RHBDD1: variants seen among roughly 807,000 people sequenced by gnomAD.
RHBDD1 encodes the protein rhomboid domain containing 1, also known as rhomboid-related protein 4.
A neutral mutation model predicts 36.3 loss-of-function variants in RHBDD1; 38 were observed. The ratio of observed to expected loss-of-function variants is 1.05; its 90% confidence interval spans 0.81 to 1.37. The LOEUF is 1.37. Among genes scored for constraint, RHBDD1 ranks in the 40% most tolerant of loss-of-function variants. The pLI, the probability that RHBDD1 is intolerant of heterozygous loss-of-function variation, is 0.00. For synonymous variants in RHBDD1, 151 were observed against 136.5 expected, an observed-to-expected ratio of 1.11 and a Z score of -0.74; for missense variants, 393 against 377.6, an observed-to-expected ratio of 1.04 and a Z score of -0.34.
chr2:226,946,266 G>A (rs1324468737), intron 8 of RHBDD1, among the ~76,000 whole-genome samples: 3 of 152,060 alleles, frequency 2.0e-5, no homozygotes, highest in South Asian at 4.1e-4. Flanking sequence ...TTCTTCTAGG[G>A]TTTTTATGGT....
chr2:226,938,017 C>T (rs1278847758), intron 8 of RHBDD1, among the ~76,000 whole-genome samples: 1 of 152,180 alleles, frequency 6.6e-6, no homozygotes, highest in African/African-American at 2.4e-5. Context: ...GGAATCACCT[C>T]AGTGTCTTCC....
At chr2:226,909,782 T>G (rs1948386181) in intron 7 of RHBDD1, among the ~76,000 whole-genome samples, 1 of 151,962 alleles carries the variant, frequency 6.6e-6, no homozygotes, top group Admixed American at 6.6e-5. Flanking sequence ...GCCTCCAGAT[T>G]GTGACAAATT....
intron 5 of RHBDD1, among the ~76,000 whole-genome samples, chr2:226,892,123 C>T (rs1185425451): frequency 6.6e-6 from 1 of 152,184 alleles, no homozygotes; most frequent in Non-Finnish European, 1.5e-5. Context: ...ATTGCATAAG[C>T]AGATTCAGCT....
intron 3 of RHBDD1, among the ~76,000 whole-genome samples, chr2:226,863,307 C>T (rs182262188): frequency 2.2e-4 from 33 of 152,314 alleles, no homozygotes; most frequent in Non-Finnish European, 2.5e-4. Context: ...CCATTGCACT[C>T]CAGCCTGGGC....
chr2:226,836,916 A>G (rs1219457307), intron 1 of RHBDD1, among the ~76,000 whole-genome samples: 6 of 152,232 alleles, frequency 3.9e-5, no homozygotes, highest in Non-Finnish European at 8.8e-5. Context: ...CTTTCAAAGA[A>G]GAATAGAAGT....
chr2:226,951,316 T>C (rs1951412222), intron 8 of RHBDD1, among the ~76,000 whole-genome samples: 1 of 152,158 alleles, frequency 6.6e-6, no homozygotes, highest in South Asian at 2.1e-4. Context: ...ATTCAGCGAA[T>C]AACAATAACA....
intron 3 of RHBDD1, among the ~76,000 whole-genome samples, chr2:226,856,360 T>C (rs1943329029): frequency 6.6e-6 from 1 of 152,222 alleles, no homozygotes; most frequent in African/African-American, 2.4e-5. Flanking sequence ...CATTTTCTTA[T>C]TTTCAAAACT....
chr2:226,941,943 T>G (rs1012815505), intron 8 of RHBDD1, among the ~76,000 whole-genome samples: 1 of 152,218 alleles, frequency 6.6e-6, no homozygotes, highest in Non-Finnish European at 1.5e-5. Flanking sequence ...TTTCATTGTT[T>G]TAGATTGTGA....
intron 8 of RHBDD1, among the ~76,000 whole-genome samples, chr2:226,978,711 C>G (rs1955037205): frequency 6.6e-6 from 1 of 152,168 alleles, no homozygotes; most frequent in Non-Finnish European, 1.5e-5. Flanking sequence ...TAATCACTAA[C>G]CATGGCATCA....
At chr2:226,838,979 A>G (rs2124931411) in intron 2 of RHBDD1, among the ~76,000 whole-genome samples, 1 of 152,348 alleles carries the variant, frequency 6.6e-6, no homozygotes, top group Non-Finnish European at 1.5e-5. Flanking sequence ...TGTTACAGGA[A>G]ATGAGACCTC....
At chr2:226,851,302 C>G (rs941091454) in intron 3 of RHBDD1, among the ~76,000 whole-genome samples, 14 of 151,882 alleles carry the variant, frequency 9.2e-5, no homozygotes, top group Admixed American at 5.2e-4. Context: ...ACATACCCCC[C>G]CAATGCAGAG....
the RHBDD1 span, among the ~76,000 whole-genome samples, chr2:226,814,357 T>C: frequency 1.5e-4 from 23 of 152,262 alleles, no homozygotes; most frequent in Middle Eastern, 3.4e-3. Flanking sequence ...ATAGCAGGCA[T>C]TTGGTACTCA....
chr2:226,809,341 T>G, the RHBDD1 span, among the ~76,000 whole-genome samples: 1 of 152,360 alleles, frequency 6.6e-6, no homozygotes, highest in South Asian at 2.1e-4. Context: ...GTTTGTGTTA[T>G]GTATAAGATA....
chr2:226,994,038 A>C (rs868180820), intron 8 of RHBDD1, among the ~76,000 whole-genome samples: 1 of 152,202 alleles, frequency 6.6e-6, no homozygotes, highest in African/African-American at 2.4e-5. Flanking sequence ...GGGTTCTGCA[A>C]ATGGGTCCAA....
intron 3 of RHBDD1, among the ~76,000 whole-genome samples, chr2:226,842,136 A>T (rs1941706682): frequency 6.6e-6 from 1 of 151,888 alleles, no homozygotes; most frequent in African/African-American, 2.4e-5. Context: ...CCACTTTTTA[A>T]TGGGGTTGTT....
chr2:226,823,725 G>A, the RHBDD1 span, among the ~76,000 whole-genome samples: 3 of 152,080 alleles, frequency 2.0e-5, no homozygotes, highest in Non-Finnish European at 4.4e-5. Context: ...ACAGATATTT[G>A]GGCAATTTAT....
At chr2:226,904,254 C>T (rs1221606849) in intron 5 of RHBDD1, among the ~76,000 whole-genome samples, 3 of 152,160 alleles carry the variant, frequency 2.0e-5, no homozygotes, top group Non-Finnish European at 4.4e-5. Context: ...TTTCAGGAGT[C>T]GCAGATACAC....
At chr2:226,861,462 G>T (rs925447467) in intron 3 of RHBDD1, among the ~76,000 whole-genome samples, 4 of 152,166 alleles carry the variant, frequency 2.6e-5, no homozygotes, top group Non-Finnish European at 2.9e-5. Context: ...GTAAGACTGG[G>T]AATTCTGTCC....
At chr2:226,857,144 C>T (rs1256692848) in intron 3 of RHBDD1, among the ~76,000 whole-genome samples, 2 of 151,486 alleles carry the variant, frequency 1.3e-5, no homozygotes, top group Non-Finnish European at 2.9e-5. Flanking sequence ...TGTGTGTGTG[C>T]CTGTGAACAT....
Sources: gnomAD v4.1 joint callset for allele counts (sites outside exome capture counted in the v4.1 genomes callset) on GRCh38, gnomAD v4.1.1 for gene constraint, MANE v1.5 for transcripts, NCBI Gene and HGNC (gene_info 2026-07-23, HGNC 2026-07-21) for gene names.